SAMD8: variants seen among roughly 807,000 people sequenced by gnomAD.
SAMD8 encodes the protein sterile alpha motif domain containing 8, also known as sphingomyelin synthase-related protein 1.
In SAMD8, 20 loss-of-function variants were observed where a neutral mutation model predicts 42.0. The observed-to-expected ratio is 0.48, with a 90% CI of 0.34 to 0.69. The LOEUF (loss-of-function observed/expected upper bound fraction) is 0.69, where lower values mean the gene tolerates loss of function less well. SAMD8 is among the 30% of genes least tolerant of loss of function. The pLI is 0.01. For missense variants in SAMD8, 328 were observed against 511.6 expected, an observed-to-expected ratio of 0.64 and a Z score of 3.46; for synonymous variants, 162 against 173.0, an observed-to-expected ratio of 0.94 and a Z score of 0.50.
intron 2 of SAMD8, among the ~76,000 whole-genome samples, chr10:75,164,090 C>G (rs1840620119): frequency 6.6e-6 from 1 of 152,092 alleles, no homozygotes; most frequent in Non-Finnish European, 1.5e-5. Flanking sequence ...GTTTCACGGG[C>G]CTTGTAGTCC....
chr10:75,135,063 GA>G (rs1277258826), intron 1 of SAMD8, among the ~76,000 whole-genome samples: 2 of 151,484 alleles, frequency 1.3e-5, no homozygotes, highest in Non-Finnish European at 1.5e-5. Context: ...CCTGTCTCTA[GA>G]AAAAAACAAA....
chr10:75,135,861 TG>T (rs910811367), intron 1 of SAMD8, among the ~76,000 whole-genome samples: 5 of 151,888 alleles, frequency 3.3e-5, no homozygotes, highest in African/African-American at 1.2e-4. Flanking sequence ...AGAAGGACAT[TG>T]GGGAACTGAA....
rs1840242325 is a variant in SAMD8, at chr10:75,149,942, A to G, written c.-15-572A>G. ...TATGCATAAAATTATTAGTGTGTTA[A>G]TCTATTGAAAACCATTCATTATTGA... On this transcript the variant is annotated intron_variant, in intron 1 of 5. Coordinates refer to ENST00000542569, the MANE Select transcript of SAMD8 (RefSeq NM_001174156.2). Among the ~76,000 whole-genome samples, 5 of 152,034 alleles carry G rather than the reference A, an allele frequency of 3.3e-5. No individual in the cohort carries two copies. The South Asian group carries it at 1.0e-3, about 32-fold the overall frequency.
rs767630456 is a variant in SAMD8 at position 75,106,101 on chromosome 10, CTTTTTTTT to C, written c.-16+6386_-16+6393del. 2.0e-4 allele frequency among the ~76,000 whole-genome samples: 24 copies of C among 123,040 alleles called. 1 individual carries two copies. The South Asian group carries it at 6.0e-3, about 31-fold the overall frequency. The allele number at this position is 123,040 out of a possible 152,430, so 80.7% of individuals were successfully genotyped here. Reference sequence around the variant, plus strand: ...ATTTCTTTTTTCTTTTCTTTCTTTTCTTTTTTTTTTTTTTTTTTTTAGTAGAGACAAAG... The same window carrying C: ...ATTTCTTTTTTCTTTTCTTTCTTTTCTTTTTTTTTTTTAGTAGAGACAAAG... On this transcript the variant is annotated intron_variant, in intron 1 of 3. Coordinates refer to the SAMD8 transcript ENST00000447533.
rs1849143419 is a variant in SAMD8, at chr10:75,126,576, A to G, written c.-16+14854A>G. On this transcript the variant is annotated intron_variant, in intron 1 of 5. Transcript: ENST00000542569. Reference sequence around the variant, plus strand: ...GAGTACAATGGCATGATCATAGCTCACTGAAGCCATAACCTCCTAGGCTCA... The same window carrying G: ...GAGTACAATGGCATGATCATAGCTCGCTGAAGCCATAACCTCCTAGGCTCA... 2.1e-5 allele frequency among the ~76,000 whole-genome samples: 3 copies of G among 145,198 alleles called. No homozygotes were observed. The South Asian group carries it at 6.4e-4, about 31-fold the overall frequency.
intron 1 of SAMD8, among the ~76,000 whole-genome samples, chr10:75,143,030 T>C (rs546014459): frequency 5.0e-4 from 75 of 150,692 alleles, no homozygotes; most frequent in South Asian, 2.3e-3. Context: ...GTACTGCGGC[T>C]GGGCGCGGTG....
intron 1 of SAMD8, among the ~76,000 whole-genome samples, chr10:75,149,132 G>T (rs1263681405): frequency 2.0e-5 from 3 of 152,080 alleles, no homozygotes; most frequent in Non-Finnish European, 2.9e-5. Flanking sequence ...GGTCTGGAAA[G>T]TGTCAGAAAA....
At chr10:75,172,888 C>T (rs577756126) in intron 4 of SAMD8, among the ~76,000 whole-genome samples, 2 of 152,228 alleles carry the variant, frequency 1.3e-5, no homozygotes, top group South Asian at 4.2e-4. Flanking sequence ...TCCATCTCCA[C>T]CTCTCAAAGT....
At chr10:75,130,379 G>A (rs1469862721) in intron 1 of SAMD8, among the ~76,000 whole-genome samples, 1 of 152,112 alleles carries the variant, frequency 6.6e-6, no homozygotes, top group Non-Finnish European at 1.5e-5. Context: ...GGTGGCACAT[G>A]CCTGTAATCC....
chr10:75,176,825 C>A lies in SAMD8; in HGVS notation c.*133C>A. The A allele has an allele frequency of 1.5e-6, 1 of 653,230 alleles. No individual in the cohort carries two copies. Among genetic ancestry groups the A allele is most frequent in the Non-Finnish European group, 2.6e-6 (1 of 391,176 alleles). The allele number at this position is 653,230 out of a possible 1,614,324, so 40.5% of individuals were successfully genotyped here. A position where few individuals can be genotyped will look rare whatever the true frequency, so the allele number is the denominator to read the frequency against. ...ACAAAGTAAAGTTTTCTGTTCTGAG[C>A]AAAGTTATGATTATAAAAAGCAAGA... is the stretch of plus-strand genomic sequence containing the variant. On this transcript the variant is annotated 3_prime_UTR_variant, in exon 6 of 6. Coordinates refer to ENST00000542569, the MANE Select transcript of SAMD8 (RefSeq NM_001174156.2). This position sits in a 1 kb window ranked among gnomAD's most constrained non-coding sequence, Gnocchi z 4.3.
rs761792211 is a variant in SAMD8, at chr10:75,150,877, C to A, written c.349C>A (p.His117Asn). ...TDWLCNGELS[H>N]DCDGPITDLN... is the part of the protein sequence containing the mutation. ...CTGGCTCTGTAATGGGGAGCTTTCC[C>A]ATGACTGTGACGGACCCATAACTGA... The change falls in exon 2 of 6, where the codon CAT becomes AAT. Residue 117 changes from histidine to asparagine, a missense_variant. His to Asn is a moderately conservative substitution (Grantham distance 68, BLOSUM62 1). This residue lies in a region of SAMD8 where 150 missense variants were observed against 186.0 expected (regional missense o/e 0.81). Coordinates refer to ENST00000542569, the MANE Select transcript of SAMD8 (RefSeq NM_001174156.2). The A allele has an allele frequency of 6.2e-7, 1 of 1,613,076 alleles. No homozygotes were observed. Among genetic ancestry groups the A allele is most frequent in the Non-Finnish European group, 8.5e-7 (1 of 1,179,472 alleles).
chr10:75,160,910 A>C (rs1840542849), intron 2 of SAMD8, among the ~76,000 whole-genome samples: 1 of 152,172 alleles, frequency 6.6e-6, no homozygotes, highest in Admixed American at 6.5e-5. Context: ...TCTACAAAAA[A>C]TACAAAAATT....
chr10:75,147,388 G>A (rs1057025098), intron 1 of SAMD8, among the ~76,000 whole-genome samples: 2 of 152,116 alleles, frequency 1.3e-5, no homozygotes, highest in African/African-American at 4.8e-5. Context: ...GTGCCGTGGT[G>A]TGATCTCTAC....
chr10:75,111,615 C>T (rs1048363113), upstream of SAMD8: 14 of 1,248,408 alleles, frequency 1.1e-5, no homozygotes, highest in Non-Finnish European at 1.4e-5. Flanking sequence ...TCCGCCCCCG[C>T]CGCTTGAGGC....
intron 2 of SAMD8, among the ~76,000 whole-genome samples, chr10:75,160,276 A>C (rs1840526481): frequency 6.6e-6 from 1 of 151,952 alleles, no homozygotes; most frequent in African/African-American, 2.4e-5. Flanking sequence ...GGCTCACTGC[A>C]AGCTCCGCCT....
At chr10:75,126,412 C>CT (rs1413760215) in intron 1 of SAMD8, among the ~76,000 whole-genome samples, 23 of 152,046 alleles carry the variant, frequency 1.5e-4, no homozygotes, top group Middle Eastern at 3.4e-3. Context: ...TGGATGAATG[C>CT]CACATTGCCT....
chr10:75,146,930 CT>C (rs560024229), intron 1 of SAMD8, among the ~76,000 whole-genome samples: 117 of 152,256 alleles, frequency 7.7e-4, no homozygotes, highest in African/African-American at 2.3e-3. Context: ...GGCCTCTTAA[CT>C]ATTATATAGT....
intron 1 of SAMD8, among the ~76,000 whole-genome samples, chr10:75,144,597 A>G (rs1475402802): frequency 6.6e-6 from 1 of 152,280 alleles, no homozygotes; most frequent in African/African-American, 2.4e-5. Context: ...TTAAGGCTGA[A>G]TAATAGTCTC....
At chr10:75,116,383 G>A (rs1848882464) in intron 1 of SAMD8, among the ~76,000 whole-genome samples, 1 of 152,162 alleles carries the variant, frequency 6.6e-6, no homozygotes, top group South Asian at 2.1e-4. Flanking sequence ...TAGGATTACA[G>A]GTGTGAGTGT....
Sources: allele counts gnomAD v4.1 joint callset (sites outside exome capture counted in the v4.1 genomes callset), GRCh38; gene constraint gnomAD v4.1.1; regional missense constraint gnomAD v4.1.1; non-coding constraint Gnocchi (gnomAD v3.1); transcripts MANE v1.5; gene names NCBI Gene and HGNC (gene_info 2026-07-23, HGNC 2026-07-21).